HYAL4: variants seen among roughly 807,000 people sequenced by gnomAD.
HYAL4 encodes hyaluronidase 4, also known as hyaluronidase-4.
HYAL4 carries 37 observed loss-of-function variants against 35.2 expected under a neutral mutation model. The ratio of observed to expected loss-of-function variants is 1.05; its 90% CI spans 0.81 to 1.38. HYAL4 has a LOEUF of 1.38. Among genes scored for constraint, HYAL4 ranks in the 40% most tolerant of loss-of-function variants. The pLI is 0.00. For synonymous variants in HYAL4, 198 were observed against 203.2 expected, an observed-to-expected ratio of 0.97 and a Z score of 0.22; for missense variants, 572 against 572.4, an observed-to-expected ratio of 1.00 and a Z score of 0.01.
At chr7:123,768,315 C>T in the HYAL4 span, among the ~76,000 whole-genome samples, 3 of 152,116 alleles carry the variant, frequency 2.0e-5, no homozygotes, top group Non-Finnish European at 4.4e-5. Flanking sequence ...CCTGTTCTCA[C>T]TTTATTTACA....
the HYAL4 span, among the ~76,000 whole-genome samples, chr7:123,793,915 G>T: frequency 1.3e-5 from 2 of 152,206 alleles, no homozygotes; most frequent in African/African-American, 2.4e-5. Flanking sequence ...CTCAGAAGAA[G>T]ACAGGAAAAT....
At chr7:123,778,075 C>T in the HYAL4 span, among the ~76,000 whole-genome samples, 1 of 152,108 alleles carries the variant, frequency 6.6e-6, no homozygotes, top group Non-Finnish European at 1.5e-5. Context: ...AAGACAACTC[C>T]TATATACCTT....
At chr7:123,800,805 C>T in the HYAL4 span, among the ~76,000 whole-genome samples, 4 of 151,498 alleles carry the variant, frequency 2.6e-5, no homozygotes, top group Non-Finnish European at 5.9e-5. Flanking sequence ...TACAGGCACG[C>T]GTCACCACGC....
At chr7:123,771,000 GA>G in the HYAL4 span, among the ~76,000 whole-genome samples, 1 of 152,000 alleles carries the variant, frequency 6.6e-6, no homozygotes, top group African/African-American at 2.4e-5. Flanking sequence ...AGACAGAAGA[GA>G]AAAAATAATG....
At chr7:123,872,498 G>T (rs1225922820) in intron 3 of HYAL4, among the ~76,000 whole-genome samples, 2 of 152,188 alleles carry the variant, frequency 1.3e-5, no homozygotes, top group Admixed American at 1.3e-4. Flanking sequence ...GACTGACACC[G>T]AAGTGTTGAG....
intron 4 of HYAL4, chr7:123,876,158 G>A: frequency 2.4e-6 from 1 of 410,296 alleles, no homozygotes; most frequent in Non-Finnish European, 4.8e-6. Flanking sequence ...AGCCATATAG[G>A]TTTTCATGTG....
upstream of HYAL4, among the ~76,000 whole-genome samples, chr7:123,840,374 G>GT (rs1160427189): frequency 1.3e-5 from 2 of 152,176 alleles, no homozygotes; most frequent in Non-Finnish European, 2.9e-5. Flanking sequence ...GTACCATGCT[G>GT]TTTTGGTTAC....
At chr7:123,828,057 G>A (rs1805825955), upstream of HYAL4, among the ~76,000 whole-genome samples, 2 of 152,100 alleles carry the variant, frequency 1.3e-5, no homozygotes, top group Non-Finnish European at 2.9e-5. Flanking sequence ...TTAATCTGTA[G>A]AAATGTGTCC....
At chr7:123,839,773 T>C (rs928339139) in intron 1 of HYAL4, among the ~76,000 whole-genome samples, 1 of 152,238 alleles carries the variant, frequency 6.6e-6, no homozygotes, top group Non-Finnish European at 1.5e-5. Context: ...GATGGCTGCA[T>C]AGATATCTTC....
chr7:123,876,803 A>T lies in HYAL4; in HGVS notation c.1094A>T (p.Tyr365Phe), dbSNP rs1265870468. Residue 365 changes from tyrosine to phenylalanine, a missense_variant, in exon 5 of 5, where the codon TAC becomes TTC. Transcript: ENST00000223026. ...TTTGTGAGTTCTGATTTAGGGAGCT[A>T]CATAGCCAATGTGACCAGAGCTGCT... ...KQFVSSDLGS[Y>F]IANVTRAAEV... The T allele has an allele frequency of 1.2e-6, 2 of 1,614,208 alleles. No individual in the cohort carries two copies. Among genetic ancestry groups the T allele is most frequent in the South Asian group, 1.1e-5 (1 of 91,084 alleles).
At chr7:123,830,293 T>G (rs994950850) in intron 1 of HYAL4, among the ~76,000 whole-genome samples, 12 of 152,140 alleles carry the variant, frequency 7.9e-5, no homozygotes, top group African/African-American at 2.9e-4. Context: ...AAATCAAAAT[T>G]TAAACTCTTC....
chr7:123,844,068 AG>A (rs1403260376), upstream of HYAL4, among the ~76,000 whole-genome samples: 1 of 151,902 alleles, frequency 6.6e-6, no homozygotes, highest in East Asian at 1.9e-4. Context: ...CCTTTGGAGG[AG>A]AAAAGGCATT....
the HYAL4 span, among the ~76,000 whole-genome samples, chr7:123,788,188 G>C: frequency 6.6e-6 from 1 of 152,106 alleles, no homozygotes; most frequent in South Asian, 2.1e-4. Context: ...GCTGGGCCTG[G>C]TGGCACACAC....
chr7:123,827,057 A>G (rs1379421684), upstream of HYAL4, among the ~76,000 whole-genome samples: 3 of 152,116 alleles, frequency 2.0e-5, no homozygotes, highest in East Asian at 1.9e-4. Flanking sequence ...ATAGGTGGGT[A>G]TATAATCAAT....
At chr7:123,853,055 A>G (rs1166414892) in intron 2 of HYAL4, among the ~76,000 whole-genome samples, 1 of 152,148 alleles carries the variant, frequency 6.6e-6, no homozygotes, top group Non-Finnish European at 1.5e-5. Context: ...ATTGGTGTAT[A>G]GGAATGCTTG....
the HYAL4 span, among the ~76,000 whole-genome samples, chr7:123,770,770 A>G: frequency 6.6e-6 from 1 of 151,432 alleles, no homozygotes; most frequent in Non-Finnish European, 1.5e-5. Flanking sequence ...GTGCTTTAAG[A>G]AAAGTAATTT....
intron 2 of HYAL4, among the ~76,000 whole-genome samples, chr7:123,866,684 A>T (rs573442108): frequency 6.6e-6 from 1 of 152,274 alleles, no homozygotes; most frequent in South Asian, 2.1e-4. Flanking sequence ...AAATAATTTC[A>T]TAGTAGTTTT....
At chr7:123,872,603 AC>A (rs1251419230) in intron 3 of HYAL4, among the ~76,000 whole-genome samples, 3 of 152,204 alleles carry the variant, frequency 2.0e-5, no homozygotes, top group Non-Finnish European at 2.9e-5. Context: ...CCACACTGGG[AC>A]CTGGGAGGCT....
the HYAL4 span, among the ~76,000 whole-genome samples, chr7:123,774,547 T>A: frequency 6.6e-6 from 1 of 152,144 alleles, no homozygotes; most frequent in Non-Finnish European, 1.5e-5. Context: ...TATTAATGGA[T>A]CTCTCTTTTT....
Sources: gnomAD v4.1 joint callset for allele counts (sites outside exome capture counted in the v4.1 genomes callset) on GRCh38, gnomAD v4.1.1 for gene constraint, MANE v1.5 for transcripts, NCBI Gene and HGNC (gene_info 2026-07-23, HGNC 2026-07-21) for gene names.